MEGF11: variants seen among roughly 807,000 people sequenced by gnomAD.
The protein encoded by MEGF11 is multiple epidermal growth factor-like domains protein 11.
MEGF11 carries 126 observed loss-of-function variants against 146.6 expected under a neutral mutation model. The ratio of observed to expected loss-of-function variants is 0.86; its 90% confidence interval spans 0.74 to 1.00. MEGF11 has a LOEUF of 1.00. MEGF11 is among the 50% of genes least tolerant of loss of function. MEGF11 has a pLI of 0.00. For synonymous variants in MEGF11, 532 were observed against 583.4 expected (o/e 0.91, Z 1.27); for missense variants, 1,509 against 1,521.2 (o/e 0.99, Z 0.13).
At position 65,929,770 on chromosome 15, in the gene MEGF11, A is replaced by G. The variant is rs1394891270; in HGVS notation, c.1522T>C (p.Cys508Arg). 2.3e-5 allele frequency: 35 copies of G among 1,555,378 alleles called. No homozygotes were observed. Among genetic ancestry groups the G allele is most frequent in the Non-Finnish European group, 2.8e-5 (32 of 1,149,194 alleles). ...CCCAGCCAGCCAGGAGTGCAGGAGC[A>G]GGAGCCGTCTATGGGGCTGCAGGCT... ...GAACSPIDGSCSCTPGWLGDT... is the reference protein window; with the variant it reads ...GAACSPIDGSRSCTPGWLGDT... Residue 508 changes from cysteine (C) to arginine (R), a missense_variant, in exon 12 of 26, where the codon TGC becomes CGC. Coordinates refer to ENST00000395614, the MANE Select transcript of MEGF11 (RefSeq NM_001385028.1).
chr15:66,040,484 T>G (rs1180138550), intron 5 of MEGF11, among the ~76,000 whole-genome samples: 1 of 152,136 alleles, frequency 6.6e-6, no homozygotes, highest in African/African-American at 2.4e-5. Flanking sequence ...TAATGCAGAT[T>G]GGGTACACCG....
At chr15:66,171,674 G>A (rs1031224573) in intron 1 of MEGF11, among the ~76,000 whole-genome samples, 3 of 150,654 alleles carry the variant, frequency 2.0e-5, no homozygotes, top group Non-Finnish European at 4.4e-5. Context: ...CTCCCCCAAA[G>A]CCGATCTGCA....
At chr15:65,961,099 C>T (rs759283399) in intron 9 of MEGF11, among the ~76,000 whole-genome samples, 6 of 152,148 alleles carry the variant, frequency 3.9e-5, no homozygotes, top group Non-Finnish European at 8.8e-5. Context: ...TGATGGAGAG[C>T]TGTGATTGCC....
chr15:65,929,731 G>A lies in MEGF11; in HGVS notation c.1561C>T (p.Leu521=). 1.3e-6 allele frequency: 2 copies of A among 1,551,668 alleles called. No individual in the cohort carries two copies. Among genetic ancestry groups the A allele is most frequent in the Non-Finnish European group, 8.7e-7 (1 of 1,147,008 alleles). The part of the protein sequence containing the change: ...TPGWLGDTCE[L]PCPDGTFGLN... The stretch of plus-strand genomic sequence containing the variant: ...ACCCTGGCACTCACCGGGCAAGGCA[G>A]CTCACAGGTGTCTCCCAGCCAGCCA... The change falls in exon 12 of 26, where the codon CTG becomes TTG. Residue 521 remains leucine, a synonymous_variant. Transcript: ENST00000395614.
intron 5 of MEGF11, among the ~76,000 whole-genome samples, chr15:66,046,257 C>G (rs1420814042): frequency 6.6e-6 from 1 of 152,238 alleles, no homozygotes; most frequent in African/African-American, 2.4e-5. Context: ...CCCTAGCTTA[C>G]TACCTCCCCC....
At chr15:66,142,935 C>G (rs915403673) in intron 1 of MEGF11, among the ~76,000 whole-genome samples, 1 of 152,166 alleles carries the variant, frequency 6.6e-6, no homozygotes, top group South Asian at 2.1e-4. Context: ...CTTCTCTAGG[C>G]CTTAGCTTCC....
At chr15:66,246,930 G>A (rs1334704439) in intron 1 of MEGF11, among the ~76,000 whole-genome samples, 3 of 152,102 alleles carry the variant, frequency 2.0e-5, no homozygotes, top group African/African-American at 4.8e-5. Flanking sequence ...GAGTCACTGC[G>A]GCCTCCCTCC....
At chr15:66,037,807 G>A (rs191491969) in intron 5 of MEGF11, among the ~76,000 whole-genome samples, 4 of 152,126 alleles carry the variant, frequency 2.6e-5, no homozygotes, top group East Asian at 3.9e-4. Context: ...CAATGTCCTC[G>A]CCAGTCTGGC....
chr15:66,088,892 G>A (rs1469279386), intron 5 of MEGF11, among the ~76,000 whole-genome samples: 1 of 152,214 alleles, frequency 6.6e-6, no homozygotes, highest in Non-Finnish European at 1.5e-5. Context: ...TGGGGAAGAT[G>A]AAAAAGTTCT....
chr15:65,924,375 G>T (rs981522208), intron 13 of MEGF11, among the ~76,000 whole-genome samples: 7 of 111,692 alleles, frequency 6.3e-5, no homozygotes, highest in Non-Finnish European at 1.4e-4. Context: ...GGTGTGGGTG[G>T]GGGGGGGGGC....
At chr15:65,943,277 C>T (rs1046622636) in intron 10 of MEGF11, among the ~76,000 whole-genome samples, 2 of 152,106 alleles carry the variant, frequency 1.3e-5, no homozygotes, top group African/African-American at 2.4e-5. Context: ...CACGTTCCAC[C>T]CAAACCTTGT....
chr15:65,898,169 TACTTA>T, intron 25 of MEGF11, 75 bp from the exon 26 acceptor site: 1 of 1,508,186 alleles, frequency 6.6e-7, no homozygotes, highest in Non-Finnish European at 8.9e-7. Context: ...AAGAGAGTTC[TACTTA>T]ACTTGGGGAA....
At chr15:65,999,324 C>A (rs750142263) in intron 5 of MEGF11, among the ~76,000 whole-genome samples, 6 of 152,244 alleles carry the variant, frequency 3.9e-5, no homozygotes, top group South Asian at 2.1e-4. Flanking sequence ...GCCACTGCAC[C>A]TGCCCGGTAT....
chr15:65,941,082 A>G (rs2079973643), intron 10 of MEGF11, among the ~76,000 whole-genome samples: 1 of 152,218 alleles, frequency 6.6e-6, no homozygotes, highest in Non-Finnish European at 1.5e-5. Context: ...GGAGGAGCAC[A>G]GACACCTTCC....
chr15:66,122,769 T>TTTTG (rs2088097236), intron 3 of MEGF11, among the ~76,000 whole-genome samples: 1 of 150,710 alleles, frequency 6.6e-6, no homozygotes, highest in Non-Finnish European at 1.5e-5. Flanking sequence ...TATTAAGGCT[T>TTTTG]TTTTGTTTTG....
At chr15:66,047,190 G>A (rs2084242693) in intron 5 of MEGF11, among the ~76,000 whole-genome samples, 1 of 152,148 alleles carries the variant, frequency 6.6e-6, no homozygotes, top group African/African-American at 2.4e-5. Context: ...CTGCTGTGTA[G>A]AACAGGCATT....
chr15:66,000,913 G>C lies in MEGF11; in HGVS notation c.395-18425C>G, dbSNP rs373144984. 1.3e-4 allele frequency among the ~76,000 whole-genome samples: 20 copies of C among 152,336 alleles called. 1 individual carries two copies. In the South Asian group the frequency reaches 4.1e-3, roughly 32 times the overall value. On this transcript the variant is annotated intron_variant, in intron 5 of 25. Coordinates refer to ENST00000395614, the MANE Select transcript of MEGF11 (RefSeq NM_001385028.1). ...AAGCTTTAGGAGGAGATGAGACTTG[G>C]TGGGGCCTGGAGGGAGAGTGGGCTT...
chr15:66,069,121 T>G (rs989194774), intron 5 of MEGF11, among the ~76,000 whole-genome samples: 1 of 152,218 alleles, frequency 6.6e-6, no homozygotes, highest in Non-Finnish European at 1.5e-5. Context: ...TCCAGTAGGA[T>G]GGTGCAAAAG....
At chr15:66,057,403 A>G (rs2084720497) in intron 5 of MEGF11, among the ~76,000 whole-genome samples, 1 of 152,130 alleles carries the variant, frequency 6.6e-6, no homozygotes, top group Non-Finnish European at 1.5e-5. Context: ...CAGTGTAACA[A>G]GTTAATTCGT....
Sources: gnomAD v4.1 joint callset for allele counts (sites outside exome capture counted in the v4.1 genomes callset) on GRCh38, gnomAD v4.1.1 for gene constraint, MANE v1.5 for transcripts, NCBI Gene and HGNC (gene_info 2026-07-23, HGNC 2026-07-21) for gene names.